The following PUS7L variants were observed in gnomAD, a reference collection of about 807,000 sequenced individuals.
PUS7L encodes pseudouridylate synthase PUS7L.
Under a neutral mutation model 51.1 loss-of-function variants are expected in PUS7L, and 49 were observed. That is an observed-to-expected ratio of 0.96 (90% CI 0.76 to 1.22). PUS7L has a LOEUF of 1.22. Ranked by LOEUF, PUS7L falls within the 50% of genes most tolerant of loss-of-function variation. The pLI, the probability that PUS7L is intolerant of heterozygous loss-of-function variation, is 0.00. For missense variants in PUS7L, 828 were observed against 820.6 expected, an observed-to-expected ratio of 1.01 and a Z score of -0.11; for synonymous variants, 277 against 276.2, an observed-to-expected ratio of 1.00 and a Z score of -0.03.
Position 43,758,249 on chromosome 12 carries a change from T to C in PUS7L, c.-17+481A>G. 3 of 912,426 alleles carry C rather than the reference T, an allele frequency of 3.3e-6. No individual in the cohort carries two copies. In the South Asian group the frequency reaches 1.5e-4, roughly 46 times the overall value. The allele number at this position is 912,426 out of a possible 1,614,324, so 56.5% of individuals were successfully genotyped here. A position where few individuals can be genotyped will look rare whatever the true frequency, so the allele number is the denominator to read the frequency against. ...AACAGGTAGGGAAACTTGGGGAGAA[T>C]GTAATTCCAGCATCCTGGTAGAAGA... On this transcript the variant is annotated intron_variant, in intron 1 of 8. Coordinates refer to ENST00000344862, the MANE Select transcript of PUS7L (RefSeq NM_031292.5).
chr12:43,730,475 G>A lies in PUS7L; in HGVS notation c.2007C>T (p.His669=), dbSNP rs1389780557. 2 of 1,613,732 alleles carry A rather than the reference G, an allele frequency of 1.2e-6. No individual in the cohort carries two copies. Among genetic ancestry groups the A allele is most frequent in the Admixed American group, 1.7e-5 (1 of 59,998 alleles). ...HDIDVKTKGS[H]IDETALSLLI... ...AAAGAGACAAAGCTGTTTCATCAATGTGGGAACCTTTCGTTTTGACATCAA... is the reference window on the plus strand; with the variant it reads ...AAAGAGACAAAGCTGTTTCATCAATATGGGAACCTTTCGTTTTGACATCAA... The change falls in exon 9 of 9, where the codon CAC becomes CAT. Residue 669 remains histidine, a synonymous_variant. Transcript: ENST00000344862.
chr12:43,747,783 T>C (rs1264159839), intron 3 of PUS7L, among the ~76,000 whole-genome samples: 1 of 152,164 alleles, frequency 6.6e-6, no homozygotes, highest in Non-Finnish European at 1.5e-5. Flanking sequence ...GTTATTGCAG[T>C]TATTTACTTT....
intron 4 of PUS7L, among the ~76,000 whole-genome samples, chr12:43,745,583 T>C (rs1316831709): frequency 6.6e-6 from 1 of 152,218 alleles, no homozygotes; most frequent in Non-Finnish European, 1.5e-5. Context: ...CATGCTGAAC[T>C]GTGAGTCAAC....
Position 43,719,519 on chromosome 12 carries a change from A to C in PUS7L, c.*10857T>G, listed in dbSNP as rs1944371660. Reference sequence around the variant, plus strand: ...GGGGGGACTCTTCTTTATTTTTTCTAATCTCAGGAAAGTTTGTGTAGACTT... The same window carrying C: ...GGGGGGACTCTTCTTTATTTTTTCTCATCTCAGGAAAGTTTGTGTAGACTT... On this transcript the variant is annotated 3_prime_UTR_variant, in exon 9 of 9. Coordinates refer to ENST00000344862, the MANE Select transcript of PUS7L (RefSeq NM_031292.5). 6.6e-6 allele frequency: 1 copy of C among 152,056 alleles called. No homozygotes were observed. The highest frequency in any genetic ancestry group is 2.4e-5 in the African/African-American group (1 of 41,414). 9.4% of individuals were successfully genotyped at this position (152,056 alleles called of 1,614,324 possible).
intron 7 of PUS7L, among the ~76,000 whole-genome samples, chr12:43,734,608 T>C (rs1944638841): frequency 6.6e-6 from 1 of 152,184 alleles, no homozygotes; most frequent in South Asian, 2.1e-4. Flanking sequence ...CCTCTATTTT[T>C]GAAAAACCGG....
Position 43,720,122 on chromosome 12 carries a change from T to C in PUS7L, c.*10254A>G, listed in dbSNP as rs1006647344. The C allele has an allele frequency of 1.3e-5, 2 of 152,188 alleles. No homozygotes were observed. The highest frequency in any genetic ancestry group is 2.9e-5 in the Non-Finnish European group (2 of 68,032). 9.4% of individuals were successfully genotyped at this position (152,188 alleles called of 1,614,324 possible). On this transcript the variant is annotated 3_prime_UTR_variant, in exon 9 of 9. Coordinates refer to ENST00000344862, the MANE Select transcript of PUS7L (RefSeq NM_031292.5). ...TGCTGCTTTAAGTGCATCCCACAAGTTTTGATGTGTAGTATGGTTTAATAT... is the reference window on the plus strand; with the variant it reads ...TGCTGCTTTAAGTGCATCCCACAAGCTTTGATGTGTAGTATGGTTTAATAT...
chr12:43,725,118 G>GA lies in PUS7L; in HGVS notation c.*5257dup, dbSNP rs1191702258. ...AAACAGAATGATTGATGTGAGGACT[G>GA]AAAGTATATTGAAAAAGAACAAGTT... On this transcript the variant is annotated 3_prime_UTR_variant, in exon 9 of 9. Coordinates refer to ENST00000344862, the MANE Select transcript of PUS7L (RefSeq NM_031292.5). 2.0e-5 allele frequency: 3 copies of GA among 152,160 alleles called. No individual in the cohort carries two copies. Among genetic ancestry groups the GA allele is most frequent in the Non-Finnish European group, 4.4e-5 (3 of 68,018 alleles). 9.4% of individuals were successfully genotyped at this position (152,160 alleles called of 1,614,324 possible). A position where few individuals can be genotyped will look rare whatever the true frequency, so the allele number is the denominator to read the frequency against.
intron 3 of PUS7L, among the ~76,000 whole-genome samples, chr12:43,747,374 G>A (rs1565640373): frequency 6.6e-6 from 1 of 152,100 alleles, no homozygotes; most frequent in Non-Finnish European, 1.5e-5. Context: ...AATATAAACT[G>A]TATATGCAGT....
In PUS7L at chr12:43,730,339, G is replaced by T. The variant is rs745828799; in HGVS notation, c.*37C>A. Reference sequence around the variant, plus strand: ...ACATTTTAGCCCCCTTTCCTTCAAAGAGTGACATATATATGGTTATACCAA... The same window carrying T: ...ACATTTTAGCCCCCTTTCCTTCAAATAGTGACATATATATGGTTATACCAA... On this transcript the variant is annotated 3_prime_UTR_variant, in exon 9 of 9. Transcript: ENST00000344862. 1.3e-6 allele frequency: 2 copies of T among 1,511,686 alleles called. No individual in the cohort carries two copies. The highest frequency in any genetic ancestry group is 1.8e-6 in the Non-Finnish European group (2 of 1,096,982). 93.6% of individuals were successfully genotyped at this position (1,511,686 alleles called of 1,614,324 possible). A position where few individuals can be genotyped will look rare whatever the true frequency, so the allele number is the denominator to read the frequency against.
At position 43,725,685 on chromosome 12, in the gene PUS7L, G is replaced by A. The variant is rs1305842775; in HGVS notation, c.*4691C>T. ...TTACAGGCGTGAGCCACCGTGCCTGGCCTAAATGGAAGTTAATATCCAAAA... is the reference window on the plus strand; with the variant it reads ...TTACAGGCGTGAGCCACCGTGCCTGACCTAAATGGAAGTTAATATCCAAAA... On this transcript the variant is annotated 3_prime_UTR_variant, in exon 9 of 9. Transcript: ENST00000344862. 1 of 152,206 alleles carries A rather than the reference G, an allele frequency of 6.6e-6. No individual in the cohort carries two copies. Among genetic ancestry groups the A allele is most frequent in the Non-Finnish European group, 1.5e-5 (1 of 68,090 alleles). 9.4% of individuals were successfully genotyped at this position (152,206 alleles called of 1,614,324 possible).
In PUS7L at chr12:43,729,966, C is replaced by T. The variant is rs1944511683; in HGVS notation, c.*410G>A. ...ATAATTAGCAAAATGCTTCATCTAT[C>T]TTTCTCTCCAACATTTGCTTCACTG... On this transcript the variant is annotated 3_prime_UTR_variant, in exon 9 of 9. Coordinates refer to ENST00000344862, the MANE Select transcript of PUS7L (RefSeq NM_031292.5). 6.1e-6 allele frequency: 1 copy of T among 164,996 alleles called. No homozygotes were observed. The highest frequency in any genetic ancestry group is 1.6e-4 in the South Asian group (1 of 6,136). 10.2% of individuals were successfully genotyped at this position (164,996 alleles called of 1,614,324 possible).
intron 2 of PUS7L, among the ~76,000 whole-genome samples, chr12:43,752,790 T>C (rs1938517454): frequency 6.6e-6 from 1 of 152,182 alleles, no homozygotes; most frequent in South Asian, 2.1e-4. Flanking sequence ...GTGAAAAAAT[T>C]CTGGAGATGA....
chr12:43,729,350 C>G lies in PUS7L; in HGVS notation c.*1026G>C, dbSNP rs1025840362. On this transcript the variant is annotated 3_prime_UTR_variant, in exon 9 of 9. Coordinates refer to ENST00000344862, the MANE Select transcript of PUS7L (RefSeq NM_031292.5). ...CATTACTGATATATAATGCTCCATA[C>G]TGCTTTTTAAATTTCATCATTATAT... The G allele has an allele frequency of 2.6e-6, 1 of 391,396 alleles. No individual in the cohort carries two copies. Among genetic ancestry groups the G allele is most frequent in the African/African-American group, 2.1e-5 (1 of 48,450 alleles). The allele number at this position is 391,396 out of a possible 1,614,324, so 24.2% of individuals were successfully genotyped here.
intron 6 of PUS7L, chr12:43,737,896 G>C (rs1038652356): frequency 5.8e-6 from 1 of 172,824 alleles, no homozygotes; most frequent in Admixed American, 5.6e-5. Context: ...TTTAAAAATT[G>C]ACAGGGCTAA....
Position 43,729,178 on chromosome 12 carries a change from T to G in PUS7L, c.*1198A>C. On this transcript the variant is annotated 3_prime_UTR_variant, in exon 9 of 9. Coordinates refer to ENST00000344862, the MANE Select transcript of PUS7L (RefSeq NM_031292.5). Reference sequence around the variant, plus strand: ...TTACTTTAGTTACGTAATGCTGGACTTTGAAAACTGTTTTTAGTGTCTGTA... The same window carrying G: ...TTACTTTAGTTACGTAATGCTGGACGTTGAAAACTGTTTTTAGTGTCTGTA... 1 of 397,860 alleles carries G rather than the reference T, an allele frequency of 2.5e-6. No individual in the cohort carries two copies. Among genetic ancestry groups the G allele is most frequent in the East Asian group, 3.6e-5 (1 of 27,976 alleles). The allele number at this position is 397,860 out of a possible 1,614,324, so 24.6% of individuals were successfully genotyped here.
At chr12:43,745,187 T>C (rs1305407943) in intron 4 of PUS7L, among the ~76,000 whole-genome samples, 4 of 152,208 alleles carry the variant, frequency 2.6e-5, no homozygotes, top group Non-Finnish European at 4.4e-5. Flanking sequence ...CTAGATGATC[T>C]AAGATGGTCT....
rs1311535643 is a variant in PUS7L, at chr12:43,728,575, C to A, written c.*1801G>T. The A allele has an allele frequency of 6.6e-6, 1 of 151,694 alleles. No homozygotes were observed. The highest frequency in any genetic ancestry group is 1.5e-5 in the Non-Finnish European group (1 of 67,906). 9.4% of individuals were successfully genotyped at this position (151,694 alleles called of 1,614,324 possible). On this transcript the variant is annotated 3_prime_UTR_variant, in exon 9 of 9. Transcript: ENST00000344862. ...ATAACATTAAAATGATGGCAGTAAT[C>A]CAAAGAAAATCAATGGTACTACAAT...
At chr12:43,754,229 T>C (rs991641804) in intron 2 of PUS7L, 107 bp downstream of exon 2, 9 of 726,222 alleles carry the variant, frequency 1.2e-5, no homozygotes, top group Admixed American at 1.1e-4. Flanking sequence ...TAAAGGTAAA[T>C]CATATATTCT....
At chr12:43,758,244 G>A in intron 1 of PUS7L, 1 of 881,294 alleles carries the variant, frequency 1.1e-6, no homozygotes, top group Non-Finnish European at 1.4e-6. Flanking sequence ...GAAACTTGGG[G>A]AGAATGTAAT....
Sources: allele counts gnomAD v4.1 joint callset (sites outside exome capture counted in the v4.1 genomes callset), GRCh38; gene constraint gnomAD v4.1.1; transcripts MANE v1.5; gene names NCBI Gene and HGNC (gene_info 2026-07-23, HGNC 2026-07-21).